Variants in FBXL7 observed in about 807,000 individuals in gnomAD.
FBXL7 encodes the protein F-box and leucine rich repeat protein 7, also known as F-box/LRR-repeat protein 7.
A neutral mutation model predicts 38.3 loss-of-function variants in FBXL7; 12 were observed. The observed-to-expected ratio is 0.31, with a 90% CI of 0.20 to 0.51. The LOEUF is 0.51. Among genes scored for constraint, FBXL7 ranks in the 20% least tolerant of loss-of-function variants. The probability of loss-of-function intolerance (pLI) is 0.98; values close to 1 mark genes in which losing one functional copy is unlikely to be tolerated. For synonymous variants in FBXL7, 297 were observed against 300.9 expected (o/e 0.99, Z 0.13); for missense variants, 567 against 676.4 (o/e 0.84, Z 1.79).
intron 1 of FBXL7, among the ~76,000 whole-genome samples, chr5:15,528,714 A>G (rs983631877): frequency 6.6e-6 from 1 of 152,194 alleles, no homozygotes; most frequent in African/African-American, 2.4e-5. Flanking sequence ...ACAATTCAAG[A>G]TGAGATTTGG....
chr5:15,762,787 A>G (rs1229589529), intron 2 of FBXL7, among the ~76,000 whole-genome samples: 2 of 152,182 alleles, frequency 1.3e-5, no homozygotes, highest in Non-Finnish European at 2.9e-5. Flanking sequence ...TTAATTTAAC[A>G]TTTTGGTTGA....
chr5:15,685,896 C>T (rs546630841), intron 2 of FBXL7, among the ~76,000 whole-genome samples: 119 of 152,298 alleles, frequency 7.8e-4, no homozygotes, highest in African/African-American at 2.7e-3. Flanking sequence ...ACTATGATCT[C>T]TTCTCAAATC....
At chr5:15,730,932 CAG>C (rs1473794077) in intron 2 of FBXL7, among the ~76,000 whole-genome samples, 1 of 152,072 alleles carries the variant, frequency 6.6e-6, no homozygotes. Context: ...GCCTATAAAA[CAG>C]AGATTGAAAC....
intron 2 of FBXL7, among the ~76,000 whole-genome samples, chr5:15,753,252 A>G (rs1260930339): frequency 6.6e-6 from 1 of 152,136 alleles, no homozygotes; most frequent in Non-Finnish European, 1.5e-5. Context: ...TTGTTCTTTC[A>G]GCAGACCATT....
Position 15,577,856 on chromosome 5 carries a change from T to A in FBXL7, c.38-38127T>A, listed in dbSNP as rs77361634. Among the ~76,000 whole-genome samples, 587 of 152,324 alleles carry A rather than the reference T, an allele frequency of 3.9e-3. 9 individuals are homozygous for A. Among genetic ancestry groups the A allele is most frequent in the African/African-American group, 0.013 (556 of 41,574 alleles). ...CAAACCCCATACATTATAAAAATAATCATAGGTTATTGGGGTTGATGTCCA... is the reference window on the plus strand; with the variant it reads ...CAAACCCCATACATTATAAAAATAAACATAGGTTATTGGGGTTGATGTCCA... On this transcript the variant is annotated intron_variant, in intron 1 of 3. Coordinates refer to ENST00000504595, the MANE Select transcript of FBXL7 (RefSeq NM_012304.5).
chr5:15,634,365 A>G (rs944554358), intron 2 of FBXL7, among the ~76,000 whole-genome samples: 2 of 129,284 alleles, frequency 1.5e-5, no homozygotes, highest in East Asian at 4.5e-4. Context: ...TCTGTTGCCC[A>G]GTCTGGAGTG....
intron 1 of FBXL7, among the ~76,000 whole-genome samples, chr5:15,528,035 G>C (rs1236800626): frequency 6.6e-6 from 1 of 152,144 alleles, no homozygotes; most frequent in Non-Finnish European, 1.5e-5. Context: ...TATATTACAA[G>C]TCCTAATTAT....
chr5:15,613,634 C>T (rs1483064048), intron 1 of FBXL7, among the ~76,000 whole-genome samples: 1 of 152,048 alleles, frequency 6.6e-6, no homozygotes, highest in African/African-American at 2.4e-5. Flanking sequence ...CTGAGCCATT[C>T]CCTCCTCAAG....
intron 1 of FBXL7, among the ~76,000 whole-genome samples, chr5:15,511,604 C>T (rs1471685838): frequency 1.3e-5 from 2 of 152,218 alleles, no homozygotes; most frequent in African/African-American, 4.8e-5. Context: ...TCTCACCAGT[C>T]CCTGGCCCAG....
intron 2 of FBXL7, among the ~76,000 whole-genome samples, chr5:15,812,317 A>G (rs1359182906): frequency 6.6e-6 from 1 of 152,134 alleles, no homozygotes; most frequent in Non-Finnish European, 1.5e-5. Context: ...GGAAGGGAAC[A>G]ACACACACTG....
intron 2 of FBXL7, among the ~76,000 whole-genome samples, chr5:15,688,476 C>T (rs1005575325): frequency 1.3e-5 from 2 of 151,588 alleles, no homozygotes; most frequent in African/African-American, 4.9e-5. Context: ...ATTCACTTAG[C>T]CATCCGGTAA....
intron 1 of FBXL7, among the ~76,000 whole-genome samples, chr5:15,589,745 A>C (rs1739413867): frequency 6.6e-6 from 1 of 152,154 alleles, no homozygotes; most frequent in Admixed American, 6.5e-5. Flanking sequence ...CAGGCCATGC[A>C]TTGATGTTTT....
intron 2 of FBXL7, among the ~76,000 whole-genome samples, chr5:15,625,623 C>T (rs1740788420): frequency 1.3e-5 from 2 of 152,120 alleles, no homozygotes; most frequent in African/African-American, 4.8e-5. Context: ...CACTGCACAC[C>T]AGCCTGGGTG....
intron 2 of FBXL7, among the ~76,000 whole-genome samples, chr5:15,791,425 T>A (rs1160217296): frequency 1.3e-5 from 2 of 152,072 alleles, no homozygotes; most frequent in Non-Finnish European, 2.9e-5. Context: ...CTACATGGGG[T>A]GTATGTGTAA....
intron 2 of FBXL7, among the ~76,000 whole-genome samples, chr5:15,914,850 G>C (rs74950737): frequency 0.054 from 8,168 of 152,308 alleles, 711 homozygotes; most frequent in African/African-American, 0.19. Context: ...AGAGATGAAG[G>C]AGGCATCTCC....
intron 2 of FBXL7, among the ~76,000 whole-genome samples, chr5:15,813,954 T>C (rs1737938506): frequency 6.6e-6 from 1 of 152,088 alleles, no homozygotes; most frequent in African/African-American, 2.4e-5. Flanking sequence ...TGTGGAGAAA[T>C]AGGAATGCTT....
chr5:15,715,355 A>G (rs7736983), intron 2 of FBXL7, among the ~76,000 whole-genome samples: 111,008 of 151,752 alleles, frequency 0.73, 40,978 homozygotes, highest in East Asian at 0.88. Context: ...GCTGGGCGTG[A>G]TGGCACGTGC....
At chr5:15,814,420 C>T (rs571386865) in intron 2 of FBXL7, among the ~76,000 whole-genome samples, 130 of 151,886 alleles carry the variant, frequency 8.6e-4, no homozygotes, top group Middle Eastern at 3.4e-3. Flanking sequence ...CACACTGGGG[C>T]CTGTTGGGGT....
chr5:15,722,930 C>CAAAAAAAACAA lies in FBXL7; in HGVS notation c.127+106866_127+106867insCAAAAAAAAAA, dbSNP rs377502407. 5.9e-3 allele frequency among the ~76,000 whole-genome samples: 838 copies of CAAAAAAAACAA among 142,084 alleles called. 7 individuals are homozygous for CAAAAAAAACAA. The highest frequency in any genetic ancestry group is 0.018 in the African/African-American group (678 of 38,144). The allele number at this position is 142,084 out of a possible 152,430, so 93.2% of individuals were successfully genotyped here. On this transcript the variant is annotated intron_variant, in intron 2 of 3. Transcript: ENST00000504595. ...GAGCAAGACTCCGTCTCAAAAAAAACAAAAAAAAAAAGAGAGAAGAGAAAA... is the reference window on the plus strand; with the variant it reads ...GAGCAAGACTCCGTCTCAAAAAAAACAAAAAAAACAAAAAAAAAAAAAGAGAGAAGAGAAAA...
Sources: allele counts gnomAD v4.1 joint callset (sites outside exome capture counted in the v4.1 genomes callset), GRCh38; gene constraint gnomAD v4.1.1; transcripts MANE v1.5; gene names NCBI Gene and HGNC (gene_info 2026-07-23, HGNC 2026-07-21).